Variants in ZBTB7C observed in about 807,000 individuals in gnomAD.
The protein encoded by ZBTB7C is zinc finger and BTB domain-containing protein 7C.
In ZBTB7C, 8 loss-of-function variants were observed where a neutral mutation model predicts 25.7. The observed-to-expected ratio is 0.31, with a 90% CI of 0.18 to 0.56. The LOEUF is 0.56. ZBTB7C is among the 20% of genes least tolerant of loss of function. ZBTB7C has a pLI of 0.91. For missense variants in ZBTB7C, 824 were observed against 855.2 expected (o/e 0.96, Z 0.46); for synonymous variants, 394 against 369.0 (o/e 1.07, Z -0.78).
chr18:48,294,335 T>G (rs2045327714), intron 2 of ZBTB7C, among the ~76,000 whole-genome samples: 1 of 152,136 alleles, frequency 6.6e-6, no homozygotes, highest in Non-Finnish European at 1.5e-5. Flanking sequence ...CTTAATTAAA[T>G]TAATCCTGCA....
At chr18:48,056,180 T>C (rs1320900752) in intron 3 of ZBTB7C, among the ~76,000 whole-genome samples, 2 of 152,188 alleles carry the variant, frequency 1.3e-5, no homozygotes, top group Non-Finnish European at 2.9e-5. Context: ...TTAAGAAATG[T>C]GTAAGATCCA....
At chr18:48,386,570 C>A (rs1328327652) in intron 1 of ZBTB7C, among the ~76,000 whole-genome samples, 1 of 152,180 alleles carries the variant, frequency 6.6e-6, no homozygotes, top group Non-Finnish European at 1.5e-5. Flanking sequence ...AAAATCCAGC[C>A]CATAGAATAG....
intron 3 of ZBTB7C, among the ~76,000 whole-genome samples, chr18:48,109,419 C>T (rs1251230813): frequency 1.3e-5 from 2 of 152,148 alleles, no homozygotes; most frequent in Admixed American, 6.5e-5. Flanking sequence ...AAGATCTAGA[C>T]GTCACACATG....
At chr18:48,119,981 C>A (rs568901573) in intron 3 of ZBTB7C, among the ~76,000 whole-genome samples, 9 of 152,030 alleles carry the variant, frequency 5.9e-5, no homozygotes, top group Non-Finnish European at 8.8e-5. Flanking sequence ...CTTAGGCTGG[C>A]GTTTCTCGAA....
At chr18:48,183,683 G>A (rs1158175066) in intron 3 of ZBTB7C, among the ~76,000 whole-genome samples, 2 of 152,158 alleles carry the variant, frequency 1.3e-5, no homozygotes, top group Admixed American at 1.3e-4. Context: ...CTACTCCCCA[G>A]CTGCTGAGTG....
intron 2 of ZBTB7C, among the ~76,000 whole-genome samples, chr18:48,271,899 G>T (rs2044498994): frequency 6.6e-6 from 1 of 152,108 alleles, no homozygotes; most frequent in Non-Finnish European, 1.5e-5. Context: ...TTCATTAAAT[G>T]CAGGACCCTA....
At chr18:48,214,124 T>C (rs1272593665) in intron 2 of ZBTB7C, among the ~76,000 whole-genome samples, 1 of 152,224 alleles carries the variant, frequency 6.6e-6, no homozygotes, top group African/African-American at 2.4e-5. Flanking sequence ...TTTTTTAAAA[T>C]TGTGGTAAAA....
At chr18:48,401,694 C>G (rs1180345102) in intron 1 of ZBTB7C, among the ~76,000 whole-genome samples, 2 of 152,128 alleles carry the variant, frequency 1.3e-5, no homozygotes, top group African/African-American at 4.8e-5. Flanking sequence ...TGAAGAGTCC[C>G]CATCTCTTGC....
At chr18:48,231,587 CT>C (rs2043253370) in intron 2 of ZBTB7C, among the ~76,000 whole-genome samples, 1 of 152,172 alleles carries the variant, frequency 6.6e-6, no homozygotes, top group Admixed American at 6.5e-5. Flanking sequence ...ACCTTTTTGC[CT>C]TGCTCAGCCT....
At chr18:48,344,066 C>T (rs1316953479) in intron 1 of ZBTB7C, among the ~76,000 whole-genome samples, 2 of 152,184 alleles carry the variant, frequency 1.3e-5, no homozygotes, top group Non-Finnish European at 2.9e-5. Context: ...CTCACTGCAA[C>T]CTCCACCTCC....
chr18:48,032,626 C>G (rs2035812257), intron 4 of ZBTB7C, among the ~76,000 whole-genome samples: 1 of 151,472 alleles, frequency 6.6e-6, no homozygotes, highest in Admixed American at 6.6e-5. Flanking sequence ...TTAATAGAGA[C>G]AGGGTTTCAC....
At chr18:48,201,114 A>G (rs549639417) in intron 2 of ZBTB7C, among the ~76,000 whole-genome samples, 9 of 152,226 alleles carry the variant, frequency 5.9e-5, no homozygotes, top group Non-Finnish European at 1.2e-4. Context: ...ACATGGCTAC[A>G]TAAGTACAAA....
At chr18:48,355,099 C>G (rs1010458894) in intron 1 of ZBTB7C, among the ~76,000 whole-genome samples, 2 of 152,206 alleles carry the variant, frequency 1.3e-5, no homozygotes, top group Admixed American at 6.5e-5. Flanking sequence ...GCCAATCCCC[C>G]CTGCAGTGAG....
intron 3 of ZBTB7C, chr18:48,149,181 TGTGTGCGC>T (rs2040594629): frequency 7.1e-6 from 1 of 140,036 alleles, no homozygotes; most frequent in African/African-American, 2.7e-5. Context: ...TGTGCATGTG[TGTGTGCGC>T]ACGTGTGTGT....
intron 3 of ZBTB7C, among the ~76,000 whole-genome samples, chr18:48,173,428 C>T (rs781272352): frequency 6.6e-6 from 1 of 152,200 alleles, no homozygotes; most frequent in Non-Finnish European, 1.5e-5. Context: ...TCCTCCCAGC[C>T]CACCCTTCTA....
chr18:48,310,688 G>C (rs2045797520), intron 2 of ZBTB7C, among the ~76,000 whole-genome samples: 1 of 152,218 alleles, frequency 6.6e-6, no homozygotes. Flanking sequence ...AACACATTTG[G>C]GAGTGCATCT....
chr18:48,030,333 T>C (rs962486105), intron 4 of ZBTB7C, among the ~76,000 whole-genome samples: 3 of 152,196 alleles, frequency 2.0e-5, no homozygotes, highest in African/African-American at 7.2e-5. Context: ...GGCAACCTTA[T>C]GCTTTCCCTC....
At chr18:48,052,577 A>G (rs895088382) in intron 3 of ZBTB7C, among the ~76,000 whole-genome samples, 11 of 152,186 alleles carry the variant, frequency 7.2e-5, no homozygotes, top group Non-Finnish European at 2.9e-5. Context: ...CAGAAAGGAA[A>G]GCAGAGGCCA....
At chr18:48,216,998 C>T (rs939561748) in intron 2 of ZBTB7C, among the ~76,000 whole-genome samples, 3 of 152,118 alleles carry the variant, frequency 2.0e-5, no homozygotes, top group African/African-American at 2.4e-5. Context: ...GCAGGAAGGC[C>T]GTGTGATGGG....
Sources: allele counts gnomAD v4.1 joint callset (sites outside exome capture counted in the v4.1 genomes callset), GRCh38; gene constraint gnomAD v4.1.1; transcripts MANE v1.5; gene names NCBI Gene and HGNC (gene_info 2026-07-23, HGNC 2026-07-21).